The following SLC9A9 variants were observed in gnomAD, a reference collection of about 807,000 sequenced individuals.
The protein encoded by SLC9A9 is solute carrier family 9 member A9, also known as sodium/hydrogen exchanger 9.
A neutral mutation model predicts 77.8 loss-of-function variants in SLC9A9; 62 were observed. The observed-to-expected ratio is 0.80, with a 90% confidence interval of 0.65 to 0.98. The LOEUF is 0.98. SLC9A9 is among the 50% of genes least tolerant of loss of function. The pLI is 0.00. For missense variants in SLC9A9, 775 were observed against 774.9 expected, an observed-to-expected ratio of 1.00 and a Z score of 0.00; for synonymous variants, 320 against 283.5, an observed-to-expected ratio of 1.13 and a Z score of -1.29.
intron 14 of SLC9A9, among the ~76,000 whole-genome samples, chr3:143,303,390 G>A (rs565634311): frequency 6.6e-6 from 1 of 151,400 alleles, no homozygotes; most frequent in East Asian, 1.9e-4. Context: ...TTTTTTTGAG[G>A]GAAGGAGGGA....
chr3:143,674,518 C>A (rs1320512602), intron 5 of SLC9A9, among the ~76,000 whole-genome samples: 1 of 152,134 alleles, frequency 6.6e-6, no homozygotes, highest in Non-Finnish European at 1.5e-5. Context: ...TTCACACTTC[C>A]CCTTGAAACC....
chr3:143,691,629 C>G (rs1933470500), intron 5 of SLC9A9, among the ~76,000 whole-genome samples: 1 of 152,104 alleles, frequency 6.6e-6, no homozygotes, highest in African/African-American at 2.4e-5. Flanking sequence ...ACCACTGCTT[C>G]TTTACCAATT....
intron 2 of SLC9A9, among the ~76,000 whole-genome samples, chr3:143,805,117 G>C (rs930413390): frequency 2.6e-5 from 4 of 152,032 alleles, no homozygotes; most frequent in Non-Finnish European, 5.9e-5. Flanking sequence ...CTCTCTAATT[G>C]GATGTCCTGG....
At chr3:143,535,467 T>C (rs901566621) in intron 9 of SLC9A9, among the ~76,000 whole-genome samples, 1 of 152,222 alleles carries the variant, frequency 6.6e-6, no homozygotes, top group Non-Finnish European at 1.5e-5. Flanking sequence ...CTTTATTTTT[T>C]GTTTGTTTAA....
chr3:143,320,067 G>C (rs1026221502), intron 14 of SLC9A9, among the ~76,000 whole-genome samples: 3 of 152,188 alleles, frequency 2.0e-5, no homozygotes, highest in Non-Finnish European at 4.4e-5. Flanking sequence ...CCTGCCACCT[G>C]GATGGTATCT....
chr3:143,265,856 G>A lies in SLC9A9; in HGVS notation c.*846C>T. The A allele has an allele frequency of 1.7e-6, 1 of 597,346 alleles. No individual in the cohort carries two copies. The highest frequency in any genetic ancestry group is 3.0e-6 in the Non-Finnish European group (1 of 334,846). 37.0% of individuals were successfully genotyped at this position (597,346 alleles called of 1,614,324 possible). On this transcript the variant is annotated 3_prime_UTR_variant, in exon 16 of 16. Coordinates refer to ENST00000316549, the MANE Select transcript of SLC9A9 (RefSeq NM_173653.4). ...CTGCTGCCAGGTAGAGAGCAACACA[G>A]GCTGCAGAATCCTACCCTCCAGCAT... is the stretch of plus-strand genomic sequence containing the variant.
chr3:143,659,642 A>C (rs1189136166), intron 5 of SLC9A9, among the ~76,000 whole-genome samples: 1 of 152,220 alleles, frequency 6.6e-6, no homozygotes, highest in African/African-American at 2.4e-5. Flanking sequence ...AAAGATGGAA[A>C]GAGAGGGGTC....
At chr3:143,465,549 T>C (rs141349575) in intron 12 of SLC9A9, among the ~76,000 whole-genome samples, 2 of 152,376 alleles carry the variant, frequency 1.3e-5, no homozygotes, top group African/African-American at 2.4e-5. Flanking sequence ...CACTACTTTA[T>C]GTTCTGAATA....
intron 11 of SLC9A9, among the ~76,000 whole-genome samples, chr3:143,470,417 T>A (rs1576519204): frequency 1.3e-5 from 2 of 149,168 alleles, no homozygotes; most frequent in Admixed American, 1.3e-4. Context: ...GAGGCGGAGG[T>A]TTCAGTGAGC....
At position 143,514,091 on chromosome 3, in the gene SLC9A9, C is replaced by T. The variant is rs531468148; in HGVS notation, c.1090-18643G>A. Among the ~76,000 whole-genome samples the T allele has an allele frequency of 2.2e-4, 33 of 152,162 alleles. 1 individual carries two copies. Among genetic ancestry groups the T allele is most frequent in the African/African-American group, 6.5e-4 (27 of 41,512 alleles). On this transcript the variant is annotated intron_variant, in intron 9 of 15. Transcript: ENST00000316549. The stretch of plus-strand genomic sequence containing the variant: ...ATTCCCACCTATGAGTGAGAACATG[C>T]GGCGTTTGGTTTTTTGTCCTTACAA...
At chr3:143,685,657 T>C (rs545415875) in intron 5 of SLC9A9, among the ~76,000 whole-genome samples, 1 of 152,266 alleles carries the variant, frequency 6.6e-6, no homozygotes, top group South Asian at 2.1e-4. Context: ...CCTGAAGACC[T>C]TGGAGGAAAT....
intron 11 of SLC9A9, among the ~76,000 whole-genome samples, chr3:143,477,036 G>A (rs771804625): frequency 2.6e-5 from 4 of 152,062 alleles, no homozygotes; most frequent in Non-Finnish European, 5.9e-5. Flanking sequence ...ACTGCAGAGG[G>A]GTATTTTGGC....
At chr3:143,365,996 T>C (rs2032889468) in intron 13 of SLC9A9, among the ~76,000 whole-genome samples, 2 of 152,230 alleles carry the variant, frequency 1.3e-5, no homozygotes, top group South Asian at 4.1e-4. Context: ...ATAGGTAATT[T>C]TTGATAGTGG....
chr3:143,754,751 G>A (rs112923868), intron 4 of SLC9A9, among the ~76,000 whole-genome samples: 2,375 of 152,296 alleles, frequency 0.016, 26 homozygotes, highest in Non-Finnish European at 0.026. Context: ...AAAGCTTCTG[G>A]AGATGTTCAA....
chr3:143,541,072 C>T (rs1055549153), intron 9 of SLC9A9, among the ~76,000 whole-genome samples: 1 of 152,196 alleles, frequency 6.6e-6, no homozygotes, highest in Non-Finnish European at 1.5e-5. Flanking sequence ...GACACCCCTT[C>T]CCCCACCACC....
chr3:143,538,507 G>A (rs1185316018), intron 9 of SLC9A9, among the ~76,000 whole-genome samples: 3 of 152,174 alleles, frequency 2.0e-5, no homozygotes, highest in African/African-American at 7.2e-5. Flanking sequence ...GACATAAAAA[G>A]TTAAAACATA....
intron 6 of SLC9A9, among the ~76,000 whole-genome samples, chr3:143,586,940 T>C (rs1328485203): frequency 6.6e-6 from 1 of 152,224 alleles, no homozygotes; most frequent in East Asian, 1.9e-4. Flanking sequence ...TCAAGAGCTG[T>C]GTTTGAGGGG....
intron 4 of SLC9A9, among the ~76,000 whole-genome samples, chr3:143,705,699 T>C (rs1467219961): frequency 1.3e-5 from 2 of 152,210 alleles, no homozygotes; most frequent in African/African-American, 4.8e-5. Context: ...GGTTAAGTGC[T>C]ATGGAAAGAA....
intron 9 of SLC9A9, among the ~76,000 whole-genome samples, chr3:143,551,047 T>C (rs1165135489): frequency 6.6e-6 from 1 of 152,150 alleles, no homozygotes; most frequent in Non-Finnish European, 1.5e-5. Context: ...AGCCCCTAAC[T>C]CAATATGACC....
Sources: gnomAD v4.1 joint callset for allele counts (sites outside exome capture counted in the v4.1 genomes callset) on GRCh38, gnomAD v4.1.1 for gene constraint, MANE v1.5 for transcripts, NCBI Gene and HGNC (gene_info 2026-07-23, HGNC 2026-07-21) for gene names.